The following METAP1 variants were observed in gnomAD, a reference collection of about 807,000 sequenced individuals.
METAP1 encodes the protein methionine aminopeptidase 1.
A neutral mutation model predicts 53.8 loss-of-function variants in METAP1; 28 were observed. The observed-to-expected ratio is 0.52, with a 90% CI of 0.39 to 0.71. METAP1 has a LOEUF of 0.71. Among genes scored for constraint, METAP1 ranks in the 30% least tolerant of loss-of-function variants. METAP1 has a pLI of 0.00. For synonymous variants in METAP1, 181 were observed against 165.7 expected (o/e 1.09, Z -0.71); for missense variants, 389 against 479.8 (o/e 0.81, Z 1.77).
chr4:99,014,015 G>A (rs146247799), intron 1 of METAP1, among the ~76,000 whole-genome samples: 89 of 152,252 alleles, frequency 5.8e-4, no homozygotes, highest in African/African-American at 2.0e-3. Context: ...CAACCTTTCC[G>A]AATAGGGTGG....
rs1424413553 is a variant in METAP1, at chr4:99,048,768, A to G, written c.823A>G (p.Ile275Val). ...PGVRYRELGN[I>V]IQKHAQANGF... is the part of the protein sequence containing the mutation. ...TGTTCGGTACAGAGAATTGGGAAAC[A>G]TTATCCAGAAGCATGCCCAAGCAAA... The change falls in exon 9 of 11, where the codon ATT becomes GTT. Residue 275 changes from isoleucine (I) to valine (V), a missense_variant. Coordinates refer to ENST00000296411, the MANE Select transcript of METAP1 (RefSeq NM_015143.3). The G allele has an allele frequency of 3.7e-6, 6 of 1,613,854 alleles. No individual in the cohort carries two copies. The highest frequency in any genetic ancestry group is 1.1e-5 in the South Asian group (1 of 91,088).
chr4:99,058,216 A>G (rs1320307700), intron 10 of METAP1, among the ~76,000 whole-genome samples: 1 of 152,172 alleles, frequency 6.6e-6, no homozygotes, highest in Non-Finnish European at 1.5e-5. Flanking sequence ...ATATGATTTA[A>G]TTCTTCACAA....
At chr4:99,051,497 T>C (rs1308011258) in intron 9 of METAP1, among the ~76,000 whole-genome samples, 4 of 152,030 alleles carry the variant, frequency 2.6e-5, no homozygotes, top group East Asian at 1.9e-4. Flanking sequence ...GCTCAAGCAG[T>C]CCTCCTACCT....
At chr4:99,038,232 A>T (rs572436147) in intron 4 of METAP1, among the ~76,000 whole-genome samples, 1 of 152,100 alleles carries the variant, frequency 6.6e-6, no homozygotes, top group South Asian at 2.1e-4. Context: ...GAAATTGATA[A>T]GAATTTTGTC....
intron 1 of METAP1, among the ~76,000 whole-genome samples, chr4:99,016,419 G>T (rs933539213): frequency 2.0e-5 from 3 of 152,108 alleles, no homozygotes; most frequent in African/African-American, 7.2e-5. Flanking sequence ...AGGAGGAGGG[G>T]TGCCACCGAA....
At chr4:99,006,720 T>C (rs577169074) in intron 1 of METAP1, among the ~76,000 whole-genome samples, 1 of 152,306 alleles carries the variant, frequency 6.6e-6, no homozygotes, top group Admixed American at 6.5e-5. Flanking sequence ...GCTTTTTGAT[T>C]ATAGACTCAG....
intron 1 of METAP1, among the ~76,000 whole-genome samples, chr4:98,996,293 C>G (rs555441122): frequency 6.6e-6 from 1 of 152,334 alleles, no homozygotes; most frequent in African/African-American, 2.4e-5. Flanking sequence ...CGGCGGGGCT[C>G]GGGTCTGGGC....
At position 99,025,406 on chromosome 4, in the gene METAP1, T is replaced by C. The variant is rs374748556; in HGVS notation, c.115-3461T>C. 11 of 985,330 alleles carry C rather than the reference T, an allele frequency of 1.1e-5. No individual in the cohort carries two copies. In the East Asian group the frequency reaches 1.0e-3, roughly 91 times the overall value. 61.0% of individuals were successfully genotyped at this position (985,330 alleles called of 1,614,324 possible). The stretch of plus-strand genomic sequence containing the variant: ...TTCTAGAAGTGAAATGAGAGCACCT[T>C]CTCTTAACTCTGACTCTTTTCAGTG... On this transcript the variant is annotated intron_variant, in intron 1 of 10. Coordinates refer to ENST00000296411, the MANE Select transcript of METAP1 (RefSeq NM_015143.3).
chr4:99,040,901 A>ATTTT, intron 5 of METAP1, 142 bp from the exon 6 acceptor site: 1 of 288,260 alleles, frequency 3.5e-6, no homozygotes, highest in Non-Finnish European at 6.2e-6. Flanking sequence ...ATTTACATAT[A>ATTTT]ATATATTTAT....
chr4:99,048,208 C>CT (rs939040918), intron 8 of METAP1, among the ~76,000 whole-genome samples: 2 of 152,148 alleles, frequency 1.3e-5, no homozygotes, highest in Non-Finnish European at 2.9e-5. Flanking sequence ...TGCTATGAGT[C>CT]TAACGTTTTT....
At chr4:98,998,540 A>G (rs941096455) in intron 1 of METAP1, among the ~76,000 whole-genome samples, 4 of 152,068 alleles carry the variant, frequency 2.6e-5, no homozygotes, top group African/African-American at 9.7e-5. Context: ...AAACAAAAAC[A>G]AAACAAAACA....
intron 1 of METAP1, chr4:99,026,410 A>G: frequency 2.0e-6 from 2 of 985,388 alleles, no homozygotes; most frequent in Non-Finnish European, 2.4e-6. Context: ...AAGTGTGGAC[A>G]TTTTTTAGAG....
At chr4:99,006,099 T>A (rs1263138548) in intron 1 of METAP1, among the ~76,000 whole-genome samples, 1 of 152,250 alleles carries the variant, frequency 6.6e-6, no homozygotes, top group Non-Finnish European at 1.5e-5. Flanking sequence ...ACAGACTTTT[T>A]ATTTTTGCCA....
intron 1 of METAP1, among the ~76,000 whole-genome samples, chr4:98,996,724 T>A (rs1722651757): frequency 6.6e-6 from 1 of 152,206 alleles, no homozygotes; most frequent in Non-Finnish European, 1.5e-5. Flanking sequence ...TTCTGTTTAC[T>A]GAAGAGTACT....
chr4:99,002,833 G>A (rs1464119788), intron 1 of METAP1, among the ~76,000 whole-genome samples: 1 of 152,140 alleles, frequency 6.6e-6, no homozygotes, highest in Non-Finnish European at 1.5e-5. Flanking sequence ...CCAGCACTTT[G>A]GGAGGCTGAG....
intron 2 of METAP1, among the ~76,000 whole-genome samples, chr4:99,029,244 A>G (rs17028382): frequency 0.058 from 8,878 of 152,176 alleles, 889 homozygotes; most frequent in African/African-American, 0.2. Flanking sequence ...GTAGTCAGGG[A>G]TTATGTGAGT....
intron 10 of METAP1, among the ~76,000 whole-genome samples, chr4:99,060,053 C>G (rs942482315): frequency 3.9e-5 from 6 of 152,200 alleles, no homozygotes; most frequent in African/African-American, 1.2e-4. Context: ...TTGTCAGATG[C>G]CCAAGTTATA....
At chr4:99,024,188 G>GGTACATGCAGCCCCCA (rs1724373025) in intron 1 of METAP1, among the ~76,000 whole-genome samples, 1 of 152,114 alleles carries the variant, frequency 6.6e-6, no homozygotes, top group Non-Finnish European at 1.5e-5. Context: ...TCTGATTATC[G>GGTACATGCAGCCCCCA]GTACATGCAG....
chr4:99,027,483 T>C (rs1415209821), intron 1 of METAP1, among the ~76,000 whole-genome samples: 2 of 152,100 alleles, frequency 1.3e-5, no homozygotes, highest in East Asian at 3.9e-4. Context: ...TGACAGACTT[T>C]AGTCTTTCTT....
Sources: gnomAD v4.1 joint callset for allele counts (sites outside exome capture counted in the v4.1 genomes callset) on GRCh38, gnomAD v4.1.1 for gene constraint, MANE v1.5 for transcripts, NCBI Gene and HGNC (gene_info 2026-07-23, HGNC 2026-07-21) for gene names.